The following ADAM2 variants were observed in gnomAD, a reference collection of about 807,000 sequenced individuals.
The protein encoded by ADAM2 is ADAM metallopeptidase domain 2, also known as disintegrin and metalloproteinase domain-containing protein 2.
A neutral mutation model predicts 99.3 loss-of-function variants in ADAM2; 101 were observed. The ratio of observed to expected loss-of-function variants is 1.02; its 90% CI spans 0.87 to 1.20. The LOEUF is 1.20. Ranked by LOEUF, ADAM2 falls within the 50% of genes most tolerant of loss-of-function variation. The pLI is 0.00. For missense variants in ADAM2, 948 were observed against 878.7 expected (o/e 1.08, Z -1.00); for synonymous variants, 323 against 287.6 (o/e 1.12, Z -1.25).
At chr8:39,783,261 T>C (rs575203447) in intron 10 of ADAM2, among the ~76,000 whole-genome samples, 48 of 152,338 alleles carry the variant, frequency 3.2e-4, no homozygotes, top group African/African-American at 1.1e-3. Context: ...CTTTGGTAAA[T>C]ACTCTACATT....
chr8:39,803,930 G>A (rs1804320188), intron 7 of ADAM2, among the ~76,000 whole-genome samples: 1 of 152,154 alleles, frequency 6.6e-6, no homozygotes, highest in African/African-American at 2.4e-5. Flanking sequence ...GGATTGATGT[G>A]GGCAAGAATT....
intron 6 of ADAM2, chr8:39,818,130 A>G (rs1381095369): frequency 2.6e-5 from 4 of 152,006 alleles, no homozygotes; most frequent in African/African-American, 9.7e-5. Context: ...ATATGAAAAC[A>G]AGTCTGCACA....
At position 39,803,409 on chromosome 8, in the gene ADAM2, G is replaced by C. The variant is rs75892200; in HGVS notation, c.570+6001C>G. Reference sequence around the variant, plus strand: ...TTTTCAAAACAAATAGGGGATTCTCGCAACCAATCCCAAGGTGCCCAGTCA... The same window carrying C: ...TTTTCAAAACAAATAGGGGATTCTCCCAACCAATCCCAAGGTGCCCAGTCA... On this transcript the variant is annotated intron_variant, in intron 7 of 20. Transcript: ENST00000265708. Among the ~76,000 whole-genome samples the C allele has an allele frequency of 5.0e-3, 757 of 152,198 alleles. 4 individuals are homozygous for C. Among genetic ancestry groups the C allele is most frequent in the African/African-American group, 0.017 (722 of 41,514 alleles).
intron 12 of ADAM2, among the ~76,000 whole-genome samples, chr8:39,768,603 GT>G (rs1158451448): frequency 1.3e-5 from 2 of 152,188 alleles, no homozygotes; most frequent in Middle Eastern, 3.4e-3. Flanking sequence ...TACTCCCTAG[GT>G]TTTCTGGCTC....
chr8:39,787,094 A>G, intron 9 of ADAM2, 39 bp from the exon 10 acceptor site: 1 of 1,282,382 alleles, frequency 7.8e-7, no homozygotes, highest in South Asian at 1.5e-5. Flanking sequence ...ATAATTTTGT[A>G]AAAATTAATA....
chr8:39,785,013 T>C (rs1297713700), intron 10 of ADAM2, among the ~76,000 whole-genome samples: 1 of 152,220 alleles, frequency 6.6e-6, no homozygotes, highest in African/African-American at 2.4e-5. Flanking sequence ...GTCTGTTTAC[T>C]CTGTTGATAT....
chr8:39,810,354 T>G (rs565283539), intron 6 of ADAM2, among the ~76,000 whole-genome samples: 1 of 152,324 alleles, frequency 6.6e-6, no homozygotes, highest in South Asian at 2.1e-4. Context: ...AACACCCCAC[T>G]GTCAACATTA....
intron 6 of ADAM2, among the ~76,000 whole-genome samples, chr8:39,816,716 G>C (rs537431838): frequency 6.6e-6 from 1 of 152,256 alleles, no homozygotes; most frequent in African/African-American, 2.4e-5. Context: ...AAAATATCTT[G>C]AAAAGGCAAG....
At chr8:39,775,504 A>G (rs529825302) in intron 11 of ADAM2, among the ~76,000 whole-genome samples, 14 of 152,254 alleles carry the variant, frequency 9.2e-5, no homozygotes, top group Middle Eastern at 3.4e-3. Flanking sequence ...TATATTGTTT[A>G]CAAATATGTG....
intron 10 of ADAM2, among the ~76,000 whole-genome samples, chr8:39,777,608 C>T (rs1327650422): frequency 1.3e-5 from 2 of 151,892 alleles, no homozygotes; most frequent in Non-Finnish European, 2.9e-5. Flanking sequence ...AGAATAAGGT[C>T]TAGTATTTCT....
rs1805716835 is a variant in ADAM2 at position 39,833,958 on chromosome 8, C to T, written c.174G>A (p.Val58=). 2 of 1,547,236 alleles carry T rather than the reference C, an allele frequency of 1.3e-6. No individual in the cohort carries two copies. The highest frequency in any genetic ancestry group is 1.4e-5 in the African/African-American group (1 of 73,372). Residue 58 remains valine, a synonymous_variant, in exon 3 of 21, where the codon GTG becomes GTA. Transcript: ENST00000265708. ...KIVIEGKPYT[V]NLMQKNFLPH... ...TGATTACCTACTTTTGCATTAAATT[C>T]ACAGTATATGGTTTCCCTTCAATTA...
Position 39,749,381 on chromosome 8 carries a change from C to T in ADAM2, c.1945G>A (p.Asp649Asn), listed in dbSNP as rs202043487. 3.6e-4 allele frequency: 577 copies of T among 1,613,270 alleles called. No homozygotes were observed. The highest frequency in any genetic ancestry group is 4.7e-4 in the Non-Finnish European group (554 of 1,179,560). Residue 649 changes from aspartate to asparagine, a missense_variant, in exon 18 of 21, where the codon GAT becomes AAT. Coordinates refer to ENST00000265708, the MANE Select transcript of ADAM2 (RefSeq NM_001464.5). ...YLPPDCSVQSDLWPGGSIDSG... is the reference protein window; with the variant it reads ...YLPPDCSVQSNLWPGGSIDSG... ...TCAATACTCCCACCAGGCCATAGAT[C>T]TGATTGAACTGAGCAATCTGGAGGT...
intron 6 of ADAM2, among the ~76,000 whole-genome samples, chr8:39,812,025 A>C (rs2129587187): frequency 6.6e-6 from 1 of 152,336 alleles, no homozygotes; most frequent in African/African-American, 2.4e-5. Context: ...ATATTTAGAA[A>C]ACCCCATCAT....
chr8:39,772,005 C>G (rs1000910840), intron 11 of ADAM2, among the ~76,000 whole-genome samples: 3 of 150,712 alleles, frequency 2.0e-5, no homozygotes, highest in Non-Finnish European at 4.4e-5. Flanking sequence ...GTGCAGCACA[C>G]CGAAATGGTG....
chr8:39,766,392 T>C (rs1022740232), intron 14 of ADAM2, among the ~76,000 whole-genome samples: 2 of 152,142 alleles, frequency 1.3e-5, no homozygotes, highest in Non-Finnish European at 2.9e-5. Flanking sequence ...TTTAATTAAA[T>C]TAATTTTTAA....
chr8:39,802,603 C>T (rs772873378), intron 7 of ADAM2, among the ~76,000 whole-genome samples: 1 of 152,118 alleles, frequency 6.6e-6, no homozygotes, highest in African/African-American at 2.4e-5. Context: ...TCACTAAAAA[C>T]GAAAACTACC....
chr8:39,754,146 T>C (rs1317360943), intron 16 of ADAM2, among the ~76,000 whole-genome samples: 1 of 152,232 alleles, frequency 6.6e-6, no homozygotes, highest in Non-Finnish European at 1.5e-5. Flanking sequence ...AGATGGCTAC[T>C]TGATGGGACA....
chr8:39,794,656 G>A (rs1049178420), intron 7 of ADAM2, among the ~76,000 whole-genome samples: 1 of 152,022 alleles, frequency 6.6e-6, no homozygotes, highest in Non-Finnish European at 1.5e-5. Flanking sequence ...ATCCTGTTTT[G>A]TTCTGATCTA....
At chr8:39,780,807 T>C (rs1050626384) in intron 10 of ADAM2, among the ~76,000 whole-genome samples, 5 of 152,148 alleles carry the variant, frequency 3.3e-5, no homozygotes, top group Admixed American at 3.3e-4. Context: ...TAAATTATCC[T>C]ATGGTTGTTA....
Sources: gnomAD v4.1 joint callset for allele counts (sites outside exome capture counted in the v4.1 genomes callset) on GRCh38, gnomAD v4.1.1 for gene constraint, MANE v1.5 for transcripts, NCBI Gene and HGNC (gene_info 2026-07-23, HGNC 2026-07-21) for gene names.